RNGTT: variants seen among roughly 807,000 people sequenced by gnomAD.
RNGTT encodes the protein RNA guanylyltransferase and 5'-phosphatase, also known as mRNA-capping enzyme.
A neutral mutation model predicts 79.3 loss-of-function variants in RNGTT; 33 were observed. That is an observed-to-expected ratio of 0.42 (90% CI 0.32 to 0.56). The LOEUF is 0.56. RNGTT is among the 20% of genes least tolerant of loss of function. The pLI is 0.17. For missense variants in RNGTT, 497 were observed against 739.1 expected, an observed-to-expected ratio of 0.67 and a Z score of 3.80; for synonymous variants, 222 against 235.9, an observed-to-expected ratio of 0.94 and a Z score of 0.54.
At position 88,628,126 on chromosome 6, in the gene RNGTT, T is replaced by C. The variant is rs761852150; in HGVS notation, c.1507-13731A>G. ...GCCCTAGAGTTTCATTTTGTGTCTC[T>C]ATGCACTCCTTGAAAAACATTCATG... On this transcript the variant is annotated intron_variant, in intron 14 of 15. Transcript: ENST00000369485. Among the ~76,000 whole-genome samples, 6 of 152,166 alleles carry C rather than the reference T, an allele frequency of 3.9e-5. No homozygotes were observed. The South Asian group carries it at 1.0e-3, about 26-fold the overall frequency.
intron 4 of RNGTT, among the ~76,000 whole-genome samples, chr6:88,920,088 G>T (rs1029369242): frequency 6.6e-6 from 1 of 152,134 alleles, no homozygotes; most frequent in Non-Finnish European, 1.5e-5. Context: ...TGAAGTTGAA[G>T]TCCAGCCTGA....
At chr6:88,679,438 G>A (rs73752997) in intron 13 of RNGTT, among the ~76,000 whole-genome samples, 6 of 152,278 alleles carry the variant, frequency 3.9e-5, no homozygotes, top group Non-Finnish European at 5.9e-5. Flanking sequence ...ATGAGAACTC[G>A]AAGTTTCAAA....
At chr6:88,750,375 T>C (rs919143994) in intron 13 of RNGTT, among the ~76,000 whole-genome samples, 1 of 152,086 alleles carries the variant, frequency 6.6e-6, no homozygotes, top group African/African-American at 2.4e-5. Context: ...TGAATAACGA[T>C]CATGTCTACA....
chr6:88,930,469 T>TG, intron 2 of RNGTT, among the ~76,000 whole-genome samples: 1 of 151,800 alleles, frequency 6.6e-6, no homozygotes, highest in Non-Finnish European at 1.5e-5. Flanking sequence ...ACCATGTGTT[T>TG]GGGGGGAAAA....
intron 13 of RNGTT, among the ~76,000 whole-genome samples, chr6:88,746,468 C>T (rs971009851): frequency 6.6e-6 from 1 of 152,200 alleles, no homozygotes; most frequent in African/African-American, 2.4e-5. Context: ...ACCTTTTTGG[C>T]ACCAGGAACC....
chr6:88,698,292 A>T (rs1390503406), intron 13 of RNGTT, among the ~76,000 whole-genome samples: 2 of 120,060 alleles, frequency 1.7e-5, no homozygotes, highest in Non-Finnish European at 3.2e-5. Flanking sequence ...CATATATATC[A>T]TATATATATG....
In RNGTT at chr6:88,773,488, A is replaced by T. The variant is rs965458784; in HGVS notation, c.1339-3614T>A. Among the ~76,000 whole-genome samples, 148 of 150,024 alleles carry T rather than the reference A, an allele frequency of 9.9e-4. 1 individual carries two copies. Among genetic ancestry groups the T allele is most frequent in the East Asian group, 1.2e-3 (6 of 5,102 alleles). ...AGTATAATAATAATAAATAAATAAA[A>T]AATTATTGGTAAAAAAAAAAAAATC... On this transcript the variant is annotated intron_variant, in intron 12 of 15. Transcript: ENST00000369485.
intron 13 of RNGTT, among the ~76,000 whole-genome samples, chr6:88,731,543 C>G (rs1777116854): frequency 6.6e-6 from 1 of 151,986 alleles, no homozygotes; most frequent in Non-Finnish European, 1.5e-5. Flanking sequence ...TTAATGTCAG[C>G]AGAGAGATGG....
At chr6:88,628,701 G>A (rs1351954871) in intron 14 of RNGTT, among the ~76,000 whole-genome samples, 2 of 152,116 alleles carry the variant, frequency 1.3e-5, no homozygotes, top group Non-Finnish European at 1.5e-5. Context: ...TTATAATAAT[G>A]AGGAAATTAA....
intron 7 of RNGTT, 40 bp from the exon 8 acceptor site, chr6:88,890,636 C>T: frequency 7.2e-7 from 1 of 1,389,716 alleles, no homozygotes; most frequent in Non-Finnish European, 1.0e-6. Flanking sequence ...GGCTGGTATC[C>T]ATACAAAGCA....
intron 13 of RNGTT, among the ~76,000 whole-genome samples, chr6:88,725,581 G>T (rs1364879048): frequency 1.3e-5 from 2 of 152,088 alleles, no homozygotes; most frequent in Admixed American, 1.3e-4. Flanking sequence ...TCAGGAGGGG[G>T]TTGAAACTCA....
At chr6:88,887,331 T>C (rs1782899071) in intron 8 of RNGTT, among the ~76,000 whole-genome samples, 1 of 152,202 alleles carries the variant, frequency 6.6e-6, no homozygotes, top group Non-Finnish European at 1.5e-5. Context: ...ATTAATCAGT[T>C]ACTCTTATTT....
intron 2 of RNGTT, among the ~76,000 whole-genome samples, chr6:88,935,221 T>C (rs1477117845): frequency 6.6e-6 from 1 of 152,228 alleles, no homozygotes; most frequent in Non-Finnish European, 1.5e-5. Flanking sequence ...TGCCTTTGTC[T>C]AAATCAGTTG....
intron 14 of RNGTT, among the ~76,000 whole-genome samples, chr6:88,668,171 ATAGCCC>A (rs1774490929): frequency 6.6e-6 from 1 of 152,134 alleles, no homozygotes; most frequent in South Asian, 2.1e-4. Flanking sequence ...AGACTGGAAC[ATAGCCC>A]CTTTGTGGCC....
At chr6:88,886,978 AC>A (rs912973190) in intron 8 of RNGTT, among the ~76,000 whole-genome samples, 4 of 150,946 alleles carry the variant, frequency 2.6e-5, no homozygotes, top group African/African-American at 9.7e-5. Context: ...CAGGAGGCCA[AC>A]AGGGAAGAAT....
chr6:88,644,121 GA>G (rs1773435339), intron 14 of RNGTT, among the ~76,000 whole-genome samples: 1 of 151,904 alleles, frequency 6.6e-6, no homozygotes, highest in African/African-American at 2.4e-5. Flanking sequence ...TAATAAAGAA[GA>G]AAAGAGAGAA....
At chr6:88,637,075 G>A (rs910683186) in intron 14 of RNGTT, among the ~76,000 whole-genome samples, 9 of 152,054 alleles carry the variant, frequency 5.9e-5, no homozygotes, top group Admixed American at 2.0e-4. Flanking sequence ...TGCTGGGACT[G>A]AATGAGTTAA....
chr6:88,791,625 C>T (rs1213945201), intron 12 of RNGTT, among the ~76,000 whole-genome samples: 1 of 152,044 alleles, frequency 6.6e-6, no homozygotes, highest in African/African-American at 2.4e-5. Flanking sequence ...CTGCAAGCTC[C>T]GCCTCCTGGG....
intron 13 of RNGTT, among the ~76,000 whole-genome samples, chr6:88,696,027 C>A (rs1482761910): frequency 6.6e-6 from 1 of 152,062 alleles, no homozygotes; most frequent in African/African-American, 2.4e-5. Flanking sequence ...AGATGTTGAT[C>A]AAAGCGTACA....
Sources: gnomAD v4.1 joint callset for allele counts (sites outside exome capture counted in the v4.1 genomes callset) on GRCh38, gnomAD v4.1.1 for gene constraint, MANE v1.5 for transcripts, NCBI Gene and HGNC (gene_info 2026-07-23, HGNC 2026-07-21) for gene names.